BAZ2B: variants seen among roughly 807,000 people sequenced by gnomAD.
The protein encoded by BAZ2B is bromodomain adjacent to zinc finger domain 2B, also known as bromodomain adjacent to zinc finger domain protein 2B.
Under a neutral mutation model 246.0 loss-of-function variants are expected in BAZ2B, and 91 were observed. The ratio of observed to expected loss-of-function variants is 0.37; its 90% confidence interval spans 0.31 to 0.44. The LOEUF is 0.44. BAZ2B is among the 20% of genes least tolerant of loss of function. The probability of loss-of-function intolerance (pLI) is 1.00; values close to 1 mark genes in which losing one functional copy is unlikely to be tolerated. For synonymous variants in BAZ2B, 855 were observed against 860.0 expected (o/e 0.99, Z 0.10); for missense variants, 2,332 against 2,533.7 (o/e 0.92, Z 1.71).
At chr2:159,709,549 ATATCCCATG>A in the BAZ2B span, among the ~76,000 whole-genome samples, 6 of 152,250 alleles carry the variant, frequency 3.9e-5, no homozygotes, top group African/African-American at 1.4e-4. Flanking sequence ...ATGTAACAAA[ATATCCCATG>A]TATCCCATAA....
At position 159,373,099 on chromosome 2, in the gene BAZ2B, A is replaced by G; in HGVS notation, c.4159T>C (p.Trp1387Arg). Residue 1387 changes from tryptophan (W) to arginine (R), a missense_variant, in exon 27 of 37, where the codon TGG (tryptophan) becomes CGG (arginine). Physicochemically the swap from Trp to Arg is moderately radical, Grantham distance 101. This residue lies in a region of BAZ2B where 676 missense variants were observed against 668.6 expected (regional missense o/e 1.01). Coordinates refer to ENST00000392783, the MANE Select transcript of BAZ2B (RefSeq NM_013450.4). ...FGQDRYRRRY[W>R]ILPQCGGIFV... ...ATCCCCCCACATTGGGGAAGAATCCAGTACCGGCGTCTGTAACGATCTTGG... is the reference window on the plus strand; with the variant it reads ...ATCCCCCCACATTGGGGAAGAATCCGGTACCGGCGTCTGTAACGATCTTGG... 1.9e-6 allele frequency: 3 copies of G among 1,614,090 alleles called. No individual in the cohort carries two copies. Among genetic ancestry groups the G allele is most frequent in the African/African-American group, 1.3e-5 (1 of 75,066 alleles).
At chr2:159,701,306 C>G in the BAZ2B span, among the ~76,000 whole-genome samples, 1 of 152,160 alleles carries the variant, frequency 6.6e-6, no homozygotes, top group South Asian at 2.1e-4. Context: ...GTTATAGACA[C>G]AAACAGAATC....
At chr2:159,416,473 T>C (rs1202864185) in intron 13 of BAZ2B, among the ~76,000 whole-genome samples, 2 of 152,206 alleles carry the variant, frequency 1.3e-5, no homozygotes, top group Admixed American at 1.3e-4. Context: ...ATATAACTTG[T>C]AAAATATAAA....
intron 13 of BAZ2B, among the ~76,000 whole-genome samples, chr2:159,417,311 C>T (rs1367058201): frequency 1.3e-5 from 2 of 151,964 alleles, no homozygotes; most frequent in Non-Finnish European, 2.9e-5. Context: ...GCTGGGATTA[C>T]AGGCGCTTGC....
chr2:159,512,498 T>C (rs777672871), intron 2 of BAZ2B, among the ~76,000 whole-genome samples: 1 of 152,158 alleles, frequency 6.6e-6, no homozygotes, highest in Non-Finnish European at 1.5e-5. Context: ...GCAAATTCAC[T>C]TGCCTAAAAA....
At chr2:159,487,784 G>GAA (rs529108926) in intron 2 of BAZ2B, among the ~76,000 whole-genome samples, 4 of 139,472 alleles carry the variant, frequency 2.9e-5, no homozygotes, top group Non-Finnish European at 3.1e-5. Flanking sequence ...ATCAGATAAA[G>GAA]AAAAAAAAAA....
chr2:159,501,141 A>ATATATATT lies in BAZ2B; in HGVS notation c.-2-22421_-2-22420insAATATATA, dbSNP rs1559628569. On this transcript the variant is annotated intron_variant, in intron 2 of 36. Coordinates refer to ENST00000392783, the MANE Select transcript of BAZ2B (RefSeq NM_013450.4). ...TATATATAATATATATATATATTTT[A>ATATATATT]TATATATAATATATATAAATATATA... Among the ~76,000 whole-genome samples the ATATATATT allele has an allele frequency of 4.6e-3, 116 of 24,988 alleles. 2 individuals are homozygous for ATATATATT. Among genetic ancestry groups the ATATATATT allele is most frequent in the Middle Eastern group, 0.024 (1 of 42 alleles). 16.4% of individuals were successfully genotyped at this position (24,988 alleles called of 152,430 possible). A position where few individuals can be genotyped will look rare whatever the true frequency, so the allele number is the denominator to read the frequency against.
intron 13 of BAZ2B, among the ~76,000 whole-genome samples, chr2:159,420,760 T>C (rs1359217393): frequency 6.6e-6 from 1 of 152,246 alleles, no homozygotes; most frequent in Non-Finnish European, 1.5e-5. Flanking sequence ...CCAAAATATG[T>C]CTAGCTCAAC....
At chr2:159,412,858 T>C (rs1447644827) in intron 13 of BAZ2B, among the ~76,000 whole-genome samples, 2 of 152,196 alleles carry the variant, frequency 1.3e-5, no homozygotes, top group Non-Finnish European at 2.9e-5. Context: ...TTAGCAGATA[T>C]TTAAAAATGT....
intron 1 of BAZ2B, among the ~76,000 whole-genome samples, chr2:159,574,361 CA>C (rs1359088621): frequency 1.3e-5 from 2 of 151,218 alleles, no homozygotes; most frequent in African/African-American, 2.4e-5. Flanking sequence ...CAAAACAAAA[CA>C]AAAAAAACCT....
At chr2:159,498,581 T>TA (rs1331520931) in intron 2 of BAZ2B, among the ~76,000 whole-genome samples, 1 of 152,202 alleles carries the variant, frequency 6.6e-6, no homozygotes, top group African/African-American at 2.4e-5. Context: ...TTTTATAACC[T>TA]TCATTATACA....
At chr2:159,431,650 A>G (rs922454674) in intron 9 of BAZ2B, among the ~76,000 whole-genome samples, 2 of 152,200 alleles carry the variant, frequency 1.3e-5, no homozygotes, top group Non-Finnish European at 2.9e-5. Flanking sequence ...ATTTACATAC[A>G]AGACTTCATC....
At chr2:159,578,752 G>A (rs918012696) in intron 1 of BAZ2B, among the ~76,000 whole-genome samples, 3 of 152,016 alleles carry the variant, frequency 2.0e-5, no homozygotes, top group Middle Eastern at 3.2e-3. Flanking sequence ...ATCAAACTAG[G>A]AATCAGGATT....
intron 1 of BAZ2B, among the ~76,000 whole-genome samples, chr2:159,594,289 C>A (rs1559861038): frequency 6.6e-6 from 1 of 152,178 alleles, no homozygotes; most frequent in Non-Finnish European, 1.5e-5. Flanking sequence ...AGCCTGTAGT[C>A]CCAGCTACTC....
chr2:159,581,512 G>A (rs1022076412), intron 1 of BAZ2B, among the ~76,000 whole-genome samples: 1 of 152,136 alleles, frequency 6.6e-6, no homozygotes, highest in African/African-American at 2.4e-5. Flanking sequence ...AAGACAGTGT[G>A]GTGATTCCTC....
chr2:159,661,538 G>T, the BAZ2B span, among the ~76,000 whole-genome samples: 1 of 152,176 alleles, frequency 6.6e-6, no homozygotes, highest in South Asian at 2.1e-4. Context: ...TTCCTAAGTA[G>T]TTTTACAATT....
the BAZ2B span, among the ~76,000 whole-genome samples, chr2:159,679,222 A>T: frequency 4.8e-3 from 662 of 138,818 alleles, 10 homozygotes; most frequent in South Asian, 0.017. Context: ...CAATGAGCCA[A>T]GATTGCTCCG....
intron 2 of BAZ2B, among the ~76,000 whole-genome samples, chr2:159,540,938 G>A (rs1371187190): frequency 6.6e-6 from 1 of 152,172 alleles, no homozygotes; most frequent in Non-Finnish European, 1.5e-5. Context: ...TAATGTAAAT[G>A]TGACTACATT....
chr2:159,475,624 G>T (rs1427085826), intron 3 of BAZ2B, among the ~76,000 whole-genome samples: 1 of 152,208 alleles, frequency 6.6e-6, no homozygotes, highest in East Asian at 1.9e-4. Context: ...CTTTGTAGGA[G>T]AAGAGGTGTT....
Sources: gnomAD v4.1 joint callset for allele counts (sites outside exome capture counted in the v4.1 genomes callset) on GRCh38, gnomAD v4.1.1 for gene constraint, gnomAD v4.1.1 regional missense constraint, MANE v1.5 for transcripts, NCBI Gene and HGNC (gene_info 2026-07-23, HGNC 2026-07-21) for gene names.